Variants in ZC3H7A observed in about 807,000 individuals in gnomAD.
ZC3H7A encodes zinc finger CCCH domain-containing protein 7A.
A neutral mutation model predicts 125.5 loss-of-function variants in ZC3H7A; 44 were observed. That is an observed-to-expected ratio of 0.35 (90% CI 0.28 to 0.45). ZC3H7A has a LOEUF of 0.45. Among genes scored for constraint, ZC3H7A ranks in the 20% least tolerant of loss-of-function variants. The pLI is 1.00. For synonymous variants in ZC3H7A, 399 were observed against 391.2 expected (o/e 1.02, Z -0.23); for missense variants, 977 against 1,170.7 (o/e 0.83, Z 2.41).
intron 22 of ZC3H7A, 114 bp downstream of exon 22, chr16:11,752,555 C>G (rs540936211): frequency 3.0e-6 from 4 of 1,334,808 alleles, no homozygotes; most frequent in East Asian, 4.8e-5. Context: ...CAGGGTCTGT[C>G]AGAGCACAGC....
At chr16:11,754,323 T>A (rs201896780) in intron 21 of ZC3H7A, among the ~76,000 whole-genome samples, 21,605 of 77,474 alleles carry the variant, frequency 0.28, 1,931 homozygotes, top group East Asian at 0.49. Flanking sequence ...GAAAAAAAAA[T>A]ATATATATAT....
chr16:11,776,726 A>C (rs2053086951), intron 5 of ZC3H7A, 25 bp downstream of exon 5: 1 of 1,575,514 alleles, frequency 6.3e-7, no homozygotes, highest in African/African-American at 1.4e-5. Context: ...TTACGATGTA[A>C]ACAAATAAAC....
chr16:11,762,164 C>T (rs2052763429), intron 17 of ZC3H7A, 121 bp from the exon 18 acceptor site: 1 of 995,026 alleles, frequency 1.0e-6, no homozygotes, highest in Non-Finnish European at 1.4e-6. Flanking sequence ...TTTTATCTGA[C>T]TTGATTTGAC....
rs191016221 is a variant in ZC3H7A, at chr16:11,776,542, A to G, written c.466-10T>C. 1.0e-4 allele frequency: 165 copies of G among 1,594,824 alleles called. No homozygotes were observed. In the African/African-American group the frequency reaches 1.9e-3, roughly 18 times the overall value. ...TTATTACATGCTCATCCTGAAAAAA[A>G]TAAGTATGTATAATTAACAGGGTTA... On this transcript the variant is annotated splice_polypyrimidine_tract_variant and intron_variant, in intron 5 of 22. Coordinates refer to ENST00000355758, the MANE Select transcript of ZC3H7A (RefSeq NM_014153.4).
intron 21 of ZC3H7A, chr16:11,753,124 C>T: frequency 3.1e-6 from 1 of 323,984 alleles, no homozygotes; most frequent in Non-Finnish European, 5.7e-6. Context: ...AACAAGGATT[C>T]AGGGAAGAAC....
chr16:11,787,182 G>C (rs2053269058), intron 1 of ZC3H7A, among the ~76,000 whole-genome samples: 1 of 152,028 alleles, frequency 6.6e-6, no homozygotes, highest in Admixed American at 6.6e-5. Context: ...CGTGCCTGTA[G>C]TCCTAGCTAC....
At chr16:11,775,164 A>G (rs2053058209) in intron 7 of ZC3H7A, 151 bp from the exon 8 acceptor site, 2 of 720,844 alleles carry the variant, frequency 2.8e-6, no homozygotes, top group Non-Finnish European at 4.7e-6. Context: ...CGAGGTCAGG[A>G]GTTTGAGACC....
intron 1 of ZC3H7A, among the ~76,000 whole-genome samples, chr16:11,793,651 A>C (rs566938235): frequency 6.6e-6 from 1 of 152,324 alleles, no homozygotes; most frequent in African/African-American, 2.4e-5. Context: ...AAAGTAGTTA[A>C]AGTATCATTA....
At position 11,776,600 on chromosome 16, in the gene ZC3H7A, C is replaced by G. The variant is rs778225402; in HGVS notation, c.466-68G>C. 172 of 1,514,982 alleles carry G rather than the reference C, an allele frequency of 1.1e-4. 1 individual carries two copies. Among genetic ancestry groups the G allele is most frequent in the Middle Eastern group, 3.8e-4 (2 of 5,202 alleles). 93.8% of individuals were successfully genotyped at this position (1,514,982 alleles called of 1,614,324 possible). ...TAATGGTGAAGAAGAATAGACAAAA[C>G]AGGGAAGTTTCCCATCAAGACACCT... On this transcript the variant is annotated intron_variant, in intron 5 of 22. Coordinates refer to ENST00000355758, the MANE Select transcript of ZC3H7A (RefSeq NM_014153.4).
chr16:11,784,546 CCCT>C lies in ZC3H7A; in HGVS notation c.-34-2161_-34-2159del, dbSNP rs572004295. On this transcript the variant is annotated intron_variant, in intron 1 of 22. Transcript: ENST00000355758. Reference sequence around the variant, plus strand: ...CCAACCTGGGCAACACAGGGAGACCCCCTATCTCTACAAAAAATTTTAAAAGAG... The same window carrying C: ...CCAACCTGGGCAACACAGGGAGACCCATCTCTACAAAAAATTTTAAAAGAG... 4.0e-3 allele frequency among the ~76,000 whole-genome samples: 602 copies of C among 151,840 alleles called. 4 individuals carry two copies. The highest frequency in any genetic ancestry group is 0.014 in the African/African-American group (568 of 41,378).
At chr16:11,755,093 C>T (rs1309977160) in intron 21 of ZC3H7A, among the ~76,000 whole-genome samples, 1 of 151,094 alleles carries the variant, frequency 6.6e-6, no homozygotes, top group African/African-American at 2.4e-5. Context: ...CCTATAATCC[C>T]TTGCTATTTA....
intron 3 of ZC3H7A, among the ~76,000 whole-genome samples, chr16:11,780,145 A>G (rs1490987715): frequency 1.4e-5 from 2 of 146,864 alleles, no homozygotes; most frequent in Non-Finnish European, 3.0e-5. Flanking sequence ...TTTTTGAGAC[A>G]GAGTCTTACT....
At chr16:11,785,870 A>C (rs1223194656) in intron 1 of ZC3H7A, among the ~76,000 whole-genome samples, 1 of 152,032 alleles carries the variant, frequency 6.6e-6, no homozygotes. Flanking sequence ...CTGCTCACCT[A>C]GGCCTCCCAA....
chr16:11,752,554 T>G, intron 22 of ZC3H7A, 115 bp downstream of exon 22: 2 of 1,328,840 alleles, frequency 1.5e-6, no homozygotes, highest in Non-Finnish European at 2.0e-6. Context: ...TCAGGGTCTG[T>G]CAGAGCACAG....
chr16:11,762,842 A>G (rs1452792492), intron 16 of ZC3H7A, 95 bp from the exon 17 acceptor site: 11 of 1,155,752 alleles, frequency 9.5e-6, no homozygotes, highest in Non-Finnish European at 1.4e-5. Context: ...TTCAGCTTCC[A>G]ATCTATTCTC....
At chr16:11,788,683 G>A (rs1444100011) in intron 1 of ZC3H7A, among the ~76,000 whole-genome samples, 15 of 149,112 alleles carry the variant, frequency 1.0e-4, no homozygotes, top group African/African-American at 3.5e-4. Context: ...GCGTGATCTC[G>A]GCTCAATACA....
At chr16:11,764,384 A>G (rs2052817003) in intron 15 of ZC3H7A, among the ~76,000 whole-genome samples, 1 of 152,126 alleles carries the variant, frequency 6.6e-6, no homozygotes, top group Non-Finnish European at 1.5e-5. Context: ...CCCTGTCTCT[A>G]CTAAAAATGC....
intron 19 of ZC3H7A, chr16:11,759,438 C>T (rs2141164493): frequency 6.6e-6 from 1 of 152,350 alleles, no homozygotes; most frequent in South Asian, 2.1e-4. Flanking sequence ...TAACACTGTA[C>T]ATTTCCTCCC....
chr16:11,784,468 CAG>C (rs1451894241), intron 1 of ZC3H7A, among the ~76,000 whole-genome samples: 1 of 152,110 alleles, frequency 6.6e-6, no homozygotes, highest in Non-Finnish European at 1.5e-5. Flanking sequence ...CCTGTAATCC[CAG>C]CACTTTGGGA....
Sources: allele counts gnomAD v4.1 joint callset (sites outside exome capture counted in the v4.1 genomes callset), GRCh38; gene constraint gnomAD v4.1.1; transcripts MANE v1.5; gene names NCBI Gene and HGNC (gene_info 2026-07-23, HGNC 2026-07-21).